Variants in EXOC4 observed in about 807,000 individuals in gnomAD.
EXOC4 encodes exocyst complex component 4, also known as SEC8-like 1.
Under a neutral mutation model 107.2 loss-of-function variants are expected in EXOC4, and 71 were observed. The ratio of observed to expected loss-of-function variants is 0.66; its 90% confidence interval spans 0.55 to 0.81. The LOEUF (loss-of-function observed/expected upper bound fraction) is 0.81, where lower values mean the gene tolerates loss of function less well. Ranked by LOEUF, EXOC4 falls within the 30% of genes least tolerant of loss-of-function variation. EXOC4 has a pLI of 0.00. For synonymous variants in EXOC4, 456 were observed against 441.2 expected (o/e 1.03, Z -0.42); for missense variants, 1,108 against 1,189.6 (o/e 0.93, Z 1.01).
intron 13 of EXOC4, among the ~76,000 whole-genome samples, chr7:133,924,124 CATA>C (rs1799999967): frequency 6.6e-6 from 1 of 152,102 alleles, no homozygotes; most frequent in African/African-American, 2.4e-5. Context: ...ACAGTATTAC[CATA>C]ATATTTTCCC....
intron 17 of EXOC4, among the ~76,000 whole-genome samples, chr7:134,016,430 A>C (rs1794909939): frequency 6.6e-6 from 1 of 152,228 alleles, no homozygotes; most frequent in South Asian, 2.1e-4. Context: ...AACACAGCTC[A>C]TGAAGACCAA....
chr7:133,906,798 C>G (rs1043314320), intron 12 of EXOC4, among the ~76,000 whole-genome samples: 1 of 152,232 alleles, frequency 6.6e-6, no homozygotes, highest in African/African-American at 2.4e-5. Flanking sequence ...TTGCCGCCCC[C>G]GATCGGGCTA....
rs145285284 is a variant in EXOC4, at chr7:133,512,082, A to G, written c.1417+31944A>G. Among the ~76,000 whole-genome samples, 456 of 152,308 alleles carry G rather than the reference A, an allele frequency of 3.0e-3. 3 individuals carry two copies. The highest frequency in any genetic ancestry group is 0.01 in the African/African-American group (428 of 41,562). On this transcript the variant is annotated intron_variant, in intron 9 of 17. Transcript: ENST00000253861. Reference sequence around the variant, plus strand: ...CAGGGGAAATGTATATTAAGCAAATATCACACAAATAGTTGTTAAGTTGTG... The same window carrying G: ...CAGGGGAAATGTATATTAAGCAAATGTCACACAAATAGTTGTTAAGTTGTG...
At chr7:134,052,776 G>A (rs1795827306) in intron 17 of EXOC4, among the ~76,000 whole-genome samples, 1 of 152,128 alleles carries the variant, frequency 6.6e-6, no homozygotes, top group South Asian at 2.1e-4. Context: ...TAAAAGATGT[G>A]GGATTCATGC....
chr7:134,073,245 GC>G, the EXOC4 span, among the ~76,000 whole-genome samples: 132,961 of 133,010 alleles, frequency 1, 66,456 homozygotes, highest in Middle Eastern at 1. Context: ...ACAAAGAAAG[GC>G]CCCAGGCTAT....
chr7:133,630,486 T>C (rs1471610026), intron 10 of EXOC4, among the ~76,000 whole-genome samples: 1 of 152,148 alleles, frequency 6.6e-6, no homozygotes, highest in African/African-American at 2.4e-5. Flanking sequence ...GCACACGTAT[T>C]TTTAAATACA....
rs764514195 is a variant in EXOC4, at chr7:133,356,361, A to G, written c.795A>G (p.Glu265=). 1.2e-6 allele frequency: 2 copies of G among 1,614,056 alleles called. No individual in the cohort carries two copies. The highest frequency in any genetic ancestry group is 2.2e-5 in the South Asian group (2 of 91,076). The change falls in exon 6 of 18, where the codon GAA becomes GAG. Residue 265 remains glutamate, a synonymous_variant. Coordinates refer to ENST00000253861, the MANE Select transcript of EXOC4 (RefSeq NM_021807.4). The part of the protein sequence containing the change: ...VREINLQDIK[E]DLELDPEENS... Reference sequence around the variant, plus strand: ...AGATAAATCTGCAGGACATCAAGGAAGATTTAGAATTGGATCCAGAGGAAA... The same window carrying G: ...AGATAAATCTGCAGGACATCAAGGAGGATTTAGAATTGGATCCAGAGGAAA...
intron 7 of EXOC4, among the ~76,000 whole-genome samples, chr7:133,415,085 T>G (rs1797444886): frequency 6.6e-6 from 1 of 152,186 alleles, no homozygotes; most frequent in Non-Finnish European, 1.5e-5. Flanking sequence ...TTTTTGAGGT[T>G]CATCAGTGTT....
intron 7 of EXOC4, among the ~76,000 whole-genome samples, chr7:133,463,229 A>AGTCTTG (rs1798636669): frequency 6.6e-6 from 1 of 152,168 alleles, no homozygotes; most frequent in South Asian, 2.1e-4. Context: ...GAAGAGCCAC[A>AGTCTTG]ACTAACTACA....
intron 10 of EXOC4, among the ~76,000 whole-genome samples, chr7:133,723,890 T>C (rs1477690162): frequency 6.6e-6 from 1 of 152,112 alleles, no homozygotes; most frequent in Non-Finnish European, 1.5e-5. Context: ...GCCTCCTGAG[T>C]AGTTGAGATT....
rs1478685420 is a variant in EXOC4 at position 133,855,130 on chromosome 7, T to TATATATAA, written c.1734+37593_1734+37594insAATATATA. ...ATATATATAAATATATATATATAAATATATATATATATAAATATATATATA... is the reference window on the plus strand; with the variant it reads ...ATATATATAAATATATATATATAAATATATATAAATATATATATATAAATATATATATA... On this transcript the variant is annotated intron_variant, in intron 11 of 17. Transcript: ENST00000253861. 4.8e-3 allele frequency among the ~76,000 whole-genome samples: 511 copies of TATATATAA among 105,840 alleles called. 4 individuals carry two copies. The highest frequency in any genetic ancestry group is 0.019 in the Middle Eastern group (4 of 214). The allele number at this position is 105,840 out of a possible 152,430, so 69.4% of individuals were successfully genotyped here.
At chr7:133,753,103 A>G (rs577532938) in intron 10 of EXOC4, among the ~76,000 whole-genome samples, 1 of 152,332 alleles carries the variant, frequency 6.6e-6, no homozygotes, top group Admixed American at 6.5e-5. Flanking sequence ...ATATTGACCA[A>G]CTCTTTTAAA....
At chr7:133,838,829 T>G (rs1311671875) in intron 11 of EXOC4, among the ~76,000 whole-genome samples, 1 of 152,272 alleles carries the variant, frequency 6.6e-6, no homozygotes, top group Non-Finnish European at 1.5e-5. Flanking sequence ...ATAGATAATA[T>G]GTAAATGAAT....
chr7:133,419,043 C>T (rs1797543264), intron 7 of EXOC4, among the ~76,000 whole-genome samples: 1 of 152,074 alleles, frequency 6.6e-6, no homozygotes, highest in Non-Finnish European at 1.5e-5. Context: ...TAAGTGAATT[C>T]AAGGAGTGTT....
At chr7:133,708,649 A>G (rs747749915) in intron 10 of EXOC4, among the ~76,000 whole-genome samples, 16 of 152,196 alleles carry the variant, frequency 1.1e-4, no homozygotes, top group Non-Finnish European at 1.8e-4. Flanking sequence ...AACTTATGGC[A>G]TTATCATTAT....
At chr7:133,280,283 A>T (rs1794102813) in intron 2 of EXOC4, among the ~76,000 whole-genome samples, 1 of 152,220 alleles carries the variant, frequency 6.6e-6, no homozygotes, top group African/African-American at 2.4e-5. Flanking sequence ...GCTCAAAATG[A>T]GATGTTATTG....
intron 10 of EXOC4, among the ~76,000 whole-genome samples, chr7:133,647,609 G>T (rs764299915): frequency 6.6e-5 from 10 of 152,100 alleles, no homozygotes; most frequent in Non-Finnish European, 1.3e-4. Flanking sequence ...TATGCCTCAG[G>T]TGTGTGCCTC....
At chr7:133,845,148 G>T (rs1024403204) in intron 11 of EXOC4, among the ~76,000 whole-genome samples, 1 of 151,924 alleles carries the variant, frequency 6.6e-6, no homozygotes, top group African/African-American at 2.4e-5. Flanking sequence ...ATGATATGGA[G>T]GCCTACTCTG....
intron 9 of EXOC4, among the ~76,000 whole-genome samples, chr7:133,547,845 T>A (rs990795280): frequency 2.6e-5 from 4 of 152,188 alleles, no homozygotes; most frequent in Non-Finnish European, 5.9e-5. Context: ...GAATCATCGA[T>A]GAGGTTTGGA....
Sources: gnomAD v4.1 joint callset for allele counts (sites outside exome capture counted in the v4.1 genomes callset) on GRCh38, gnomAD v4.1.1 for gene constraint, MANE v1.5 for transcripts, NCBI Gene and HGNC (gene_info 2026-07-23, HGNC 2026-07-21) for gene names.